Variants in SIRPG observed in about 807,000 individuals in gnomAD.
SIRPG encodes the protein signal regulatory protein gamma.
A neutral mutation model predicts 35.7 loss-of-function variants in SIRPG; 38 were observed. That is an observed-to-expected ratio of 1.06 (90% CI 0.82 to 1.40). The LOEUF is 1.40. SIRPG is among the 40% of genes most tolerant of loss of function. The pLI, the probability that SIRPG is intolerant of heterozygous loss-of-function variation, is 0.00. For synonymous variants in SIRPG, 215 were observed against 190.4 expected, an observed-to-expected ratio of 1.13 and a Z score of -1.06; for missense variants, 519 against 483.0, an observed-to-expected ratio of 1.07 and a Z score of -0.70.
the SIRPG span, among the ~76,000 whole-genome samples, chr20:1,668,135 C>CTCTTT: frequency 5.6e-3 from 751 of 134,472 alleles, 10 homozygotes; most frequent in African/African-American, 0.018. Flanking sequence ...CTTTTTCTTT[C>CTCTTT]TCTTTTCTTT....
chr20:1,650,021 T>TAC (rs1400486063), intron 1 of SIRPG, among the ~76,000 whole-genome samples: 1 of 144,578 alleles, frequency 6.9e-6, no homozygotes, highest in African/African-American at 2.5e-5. Flanking sequence ...TATATATATA[T>TAC]ATATATGTCA....
intron 4 of SIRPG, chr20:1,633,726 T>C (rs2122417283): frequency 6.6e-6 from 1 of 152,312 alleles, no homozygotes; most frequent in African/African-American, 2.4e-5. Context: ...ATAAGGTATG[T>C]GGGAGGAACC....
At position 1,642,351 on chromosome 20, in the gene SIRPG, T is replaced by C. The variant is rs537053015; in HGVS notation, c.431-5846A>G. ...CCTTCTTTGTCTTTTTTGATCTTTGTTGGTTTAAAGTTTGTTTTGTCAGGG... is the reference window on the plus strand; with the variant it reads ...CCTTCTTTGTCTTTTTTGATCTTTGCTGGTTTAAAGTTTGTTTTGTCAGGG... On this transcript the variant is annotated intron_variant, in intron 2 of 5. Coordinates refer to ENST00000303415, the MANE Select transcript of SIRPG (RefSeq NM_018556.4). 9.8e-5 allele frequency among the ~76,000 whole-genome samples: 15 copies of C among 152,316 alleles called. No homozygotes were observed. In the South Asian group the frequency reaches 3.1e-3, roughly 32 times the overall value.
At chr20:1,636,855 A>G (rs2122453229) in intron 2 of SIRPG, among the ~76,000 whole-genome samples, 1 of 149,614 alleles carries the variant, frequency 6.7e-6, no homozygotes, top group African/African-American at 2.5e-5. Flanking sequence ...TCCCCAGGAG[A>G]GCTCACCAAC....
At chr20:1,662,078 A>C (rs1425618176), upstream of SIRPG, among the ~76,000 whole-genome samples, 1 of 152,262 alleles carries the variant, frequency 6.6e-6, no homozygotes, top group Non-Finnish European at 1.5e-5. Flanking sequence ...CCAAGGAACC[A>C]GCTGAGCAAA....
At chr20:1,645,226 C>T (rs1322896600) in intron 2 of SIRPG, among the ~76,000 whole-genome samples, 1 of 152,162 alleles carries the variant, frequency 6.6e-6, no homozygotes, top group Non-Finnish European at 1.5e-5. Context: ...GTTTCCACCA[C>T]ATTTTTTCTG....
the SIRPG span, chr20:1,670,914 A>G: frequency 9.2e-6 from 3 of 327,078 alleles, no homozygotes; most frequent in African/African-American, 6.8e-5. Context: ...CAGTCCCACA[A>G]AGAGGGTCCC....
intron 2 of SIRPG, among the ~76,000 whole-genome samples, chr20:1,639,550 A>T (rs925431295): frequency 6.6e-6 from 1 of 151,804 alleles, no homozygotes. Context: ...AATTGCAAAA[A>T]TTTTCTCCCA....
At chr20:1,671,718 C>T in the SIRPG span, among the ~76,000 whole-genome samples, 1 of 152,146 alleles carries the variant, frequency 6.6e-6, no homozygotes, top group Non-Finnish European at 1.5e-5. Context: ...TATAGATTAA[C>T]TAAAAGTATT....
At chr20:1,671,071 C>G in the SIRPG span, 1 of 426,930 alleles carries the variant, frequency 2.3e-6, no homozygotes, top group Non-Finnish European at 4.7e-6. Flanking sequence ...GAGCTCATTC[C>G]TATTTTTGGA....
chr20:1,680,960 A>G, the SIRPG span, among the ~76,000 whole-genome samples: 1 of 152,252 alleles, frequency 6.6e-6, no homozygotes, highest in East Asian at 1.9e-4. Context: ...TACTTTTTCT[A>G]TTTTATTCAC....
At chr20:1,680,043 G>T in the SIRPG span, among the ~76,000 whole-genome samples, 37,004 of 152,110 alleles carry the variant, frequency 0.24, 5,216 homozygotes, top group East Asian at 0.59. Context: ...TTTGACACAC[G>T]TATTAATGTC....
At chr20:1,656,907 G>T (rs2091979550) in intron 1 of SIRPG, among the ~76,000 whole-genome samples, 1 of 152,168 alleles carries the variant, frequency 6.6e-6, no homozygotes, top group South Asian at 2.1e-4. Flanking sequence ...ATCAGACCTT[G>T]GCGATGCCCT....
chr20:1,636,150 C>A, intron 3 of SIRPG, 38 bp downstream of exon 3: 1 of 1,609,784 alleles, frequency 6.2e-7, no homozygotes, highest in South Asian at 1.1e-5. Context: ...GGCTTGACAG[C>A]CAGGTGTGGG....
At chr20:1,666,059 C>T in the SIRPG span, among the ~76,000 whole-genome samples, 1 of 151,754 alleles carries the variant, frequency 6.6e-6, no homozygotes, top group African/African-American at 2.4e-5. Context: ...ATTGCTGATC[C>T]TGACCCTGTA....
chr20:1,662,978 G>C, the SIRPG span, among the ~76,000 whole-genome samples: 1 of 152,006 alleles, frequency 6.6e-6, no homozygotes, highest in Non-Finnish European at 1.5e-5. Flanking sequence ...CAGCTGTTTT[G>C]GGGAAGACTC....
chr20:1,639,534 T>A (rs2091833979), intron 2 of SIRPG, among the ~76,000 whole-genome samples: 1 of 152,236 alleles, frequency 6.6e-6, no homozygotes, highest in East Asian at 1.9e-4. Context: ...CTTTGTCAGA[T>A]GGGTAAATTG....
intron 4 of SIRPG, among the ~76,000 whole-genome samples, chr20:1,632,695 A>AG (rs2091760901): frequency 6.6e-6 from 1 of 152,124 alleles, no homozygotes; most frequent in Admixed American, 6.5e-5. Context: ...GAGACTGACT[A>AG]GGGGCCTCAG....
At chr20:1,662,314 A>G (rs1038725849), upstream of SIRPG, among the ~76,000 whole-genome samples, 1 of 152,244 alleles carries the variant, frequency 6.6e-6, no homozygotes, top group Non-Finnish European at 1.5e-5. Context: ...AGGAGGACCC[A>G]ATAACGGAGG....
Sources: allele counts gnomAD v4.1 joint callset (sites outside exome capture counted in the v4.1 genomes callset), GRCh38; gene constraint gnomAD v4.1.1; transcripts MANE v1.5; gene names NCBI Gene and HGNC (gene_info 2026-07-23, HGNC 2026-07-21).